Variants in CDH17 observed in about 807,000 individuals in gnomAD.
CDH17 encodes the protein cadherin 17, also known as cadherin-17.
Under a neutral mutation model 86.3 loss-of-function variants are expected in CDH17, and 67 were observed. The observed-to-expected ratio is 0.78, with a 90% confidence interval of 0.64 to 0.95. The LOEUF (loss-of-function observed/expected upper bound fraction) is 0.95. Among genes scored for constraint, CDH17 ranks in the 40% least tolerant of loss-of-function variants. CDH17 has a pLI of 0.00. For missense variants in CDH17, 993 were observed against 1,017.6 expected (o/e 0.98, Z 0.33); for synonymous variants, 367 against 366.4 (o/e 1.00, Z -0.02).
chr8:94,212,484 C>T (rs1814138305), upstream of CDH17, among the ~76,000 whole-genome samples: 1 of 141,036 alleles, frequency 7.1e-6, no homozygotes, highest in East Asian at 2.0e-4. Context: ...TGTTTGGAGG[C>T]TTCTCTGTTG....
At chr8:94,152,188 A>T in intron 12 of CDH17, 76 bp from the exon 13 acceptor site, 1 of 1,490,282 alleles carries the variant, frequency 6.7e-7, no homozygotes, top group Non-Finnish European at 9.2e-7. Flanking sequence ...ATCCTTCTTA[A>T]ACTCTCATAT....
intron 12 of CDH17, among the ~76,000 whole-genome samples, chr8:94,153,655 C>T (rs1812895736): frequency 6.6e-6 from 1 of 152,160 alleles, no homozygotes. Flanking sequence ...TGCATACATA[C>T]ACATACATAC....
intron 2 of CDH17, among the ~76,000 whole-genome samples, chr8:94,191,554 C>T (rs1234293368): frequency 2.0e-5 from 3 of 150,612 alleles, no homozygotes; most frequent in African/African-American, 4.9e-5. Flanking sequence ...CAGGTTCAAG[C>T]GATTCGCCTG....
chr8:94,203,844 AGGAG>A (rs974912826), intron 1 of CDH17, among the ~76,000 whole-genome samples: 41 of 152,288 alleles, frequency 2.7e-4, no homozygotes, highest in African/African-American at 9.1e-4. Context: ...AAGGAAGGAA[AGGAG>A]GGAGGGAGGG....
chr8:94,190,210 T>C (rs1413826595), intron 2 of CDH17, among the ~76,000 whole-genome samples: 1 of 152,196 alleles, frequency 6.6e-6, no homozygotes, highest in Non-Finnish European at 1.5e-5. Flanking sequence ...TTTGCCCAGG[T>C]AGTGGCTGGA....
At chr8:94,168,108 AT>A (rs1813193347) in intron 9 of CDH17, among the ~76,000 whole-genome samples, 2 of 10,474 alleles carry the variant, frequency 1.9e-4, no homozygotes, top group Non-Finnish European at 4.5e-4. Context: ...ATATATATAT[AT>A]ATATATATAT....
At chr8:94,213,862 T>G (rs1266898677) in intron 1 of CDH17, among the ~76,000 whole-genome samples, 5 of 152,190 alleles carry the variant, frequency 3.3e-5, no homozygotes, top group African/African-American at 1.2e-4. Context: ...ACTCTGATTT[T>G]CCTTCCACCT....
intron 1 of CDH17, among the ~76,000 whole-genome samples, chr8:94,195,663 T>G (rs1303824456): frequency 6.6e-6 from 1 of 152,208 alleles, no homozygotes; most frequent in Non-Finnish European, 1.5e-5. Context: ...GACTAATTGA[T>G]TTTAAGATGT....
intron 15 of CDH17, among the ~76,000 whole-genome samples, chr8:94,131,760 T>G (rs990574357): frequency 6.6e-6 from 1 of 152,178 alleles, no homozygotes; most frequent in Non-Finnish European, 1.5e-5. Flanking sequence ...ACATGTGTCA[T>G]GTTGATTTGC....
intron 9 of CDH17, among the ~76,000 whole-genome samples, chr8:94,169,048 A>G (rs1813219730): frequency 6.6e-6 from 1 of 152,184 alleles, no homozygotes; most frequent in Admixed American, 6.5e-5. Flanking sequence ...AGCTGCCAAG[A>G]TTTAGAGCAA....
chr8:94,170,913 T>C lies in CDH17; in HGVS notation c.856A>G (p.Ile286Val). 3 of 1,613,958 alleles carry C rather than the reference T, an allele frequency of 1.9e-6. No individual in the cohort carries two copies. The highest frequency in any genetic ancestry group is 1.7e-6 in the Non-Finnish European group (2 of 1,179,870). ...KEKLPRFPFS[I>V]DQEGDIYVTQ... is the part of the protein sequence containing the mutation. ...ACGTAAATATCTCCTTCCTGGTCAA[T>C]TGAAAATGGGAATCTTGGCAGCTTC... Residue 286 changes from isoleucine to valine, a missense_variant, in exon 8 of 18, where the codon ATT becomes GTT. Physicochemically the swap from Ile to Val is conservative, Grantham distance 29. Coordinates refer to ENST00000027335, the MANE Select transcript of CDH17 (RefSeq NM_004063.4).
At chr8:94,138,246 A>G (rs896520465) in intron 15 of CDH17, among the ~76,000 whole-genome samples, 1 of 152,200 alleles carries the variant, frequency 6.6e-6, no homozygotes, top group Non-Finnish European at 1.5e-5. Context: ...TGGCCCACCT[A>G]GATAAGATAT....
intron 15 of CDH17, among the ~76,000 whole-genome samples, chr8:94,142,688 T>G (rs1439085214): frequency 6.6e-6 from 1 of 152,222 alleles, no homozygotes; most frequent in East Asian, 1.9e-4. Flanking sequence ...AATCCTTGCT[T>G]GTTATTTCAA....
At position 94,128,165 on chromosome 8, in the gene CDH17, A is replaced by C. The variant is rs1038726928; in HGVS notation, c.*75T>G. On this transcript the variant is annotated 3_prime_UTR_variant, in exon 18 of 18. Transcript: ENST00000027335. The stretch of plus-strand genomic sequence containing the variant: ...TTTAAAAAATTATAATGCACGTTAG[A>C]TGAAAAGTAATAGGATGAGATGGTT... 3.3e-6 allele frequency: 3 copies of C among 899,444 alleles called. No homozygotes were observed. The African/African-American group carries it at 5.0e-5, about 15-fold the overall frequency. 55.7% of individuals were successfully genotyped at this position (899,444 alleles called of 1,614,324 possible).
chr8:94,157,557 A>G (rs60088661), intron 12 of CDH17, among the ~76,000 whole-genome samples: 3,441 of 152,214 alleles, frequency 0.023, 128 homozygotes, highest in African/African-American at 0.079. Context: ...AGAACTAGAA[A>G]GTTTGTTAAT....
intron 1 of CDH17, chr8:94,202,101 C>T (rs1418129305): frequency 1.3e-5 from 2 of 156,308 alleles, no homozygotes; most frequent in African/African-American, 4.8e-5. Flanking sequence ...CTCCTACTGA[C>T]TAGGCTTCCA....
Position 94,170,398 on chromosome 8 carries a change from C to T in CDH17, c.1065G>A (p.Leu355=), listed in dbSNP as rs781480094. The change falls in exon 9 of 18, where the codon CTG becomes CTA. Residue 355 remains leucine (L), a splice_region_variant and synonymous_variant. Coordinates refer to ENST00000027335, the MANE Select transcript of CDH17 (RefSeq NM_004063.4). ...TVFEVQENER[L]GNSIGTLTAH... ...CATTAGGCAGCTCTCATTTCTTACC[C>T]AGTCGTTCATTCTCCTGGACCTCAA... is the stretch of plus-strand genomic sequence containing the variant. 3 of 1,613,308 alleles carry T rather than the reference C, an allele frequency of 1.9e-6. No individual in the cohort carries two copies. The highest frequency in any genetic ancestry group is 4.5e-5 in the East Asian group (2 of 44,866).
rs765167154 is a variant in CDH17, at chr8:94,176,591, G to A, written c.374C>T (p.Thr125Met). Residue 125 changes from threonine to methionine, a missense_variant, in exon 5 of 18, where the codon ACG (threonine) becomes ATG (methionine). Physicochemically the swap from Thr to Met is moderately conservative, Grantham distance 81 (BLOSUM62 -1). Coordinates refer to ENST00000027335, the MANE Select transcript of CDH17 (RefSeq NM_004063.4). ...KVKDINDNRP[T>M]FLQSKYEGSV... Reference sequence around the variant, plus strand: ...GCCTTCGTACTTTGACTGGAGAAACGTGGGTCGATTGTCGTTGATGTCCTT... The same window carrying A: ...GCCTTCGTACTTTGACTGGAGAAACATGGGTCGATTGTCGTTGATGTCCTT... 9 of 1,613,746 alleles carry A rather than the reference G, an allele frequency of 5.6e-6. No individual in the cohort carries two copies. The highest frequency in any genetic ancestry group is 3.3e-5 in the Admixed American group (2 of 59,988).
intron 10 of CDH17, 26 bp downstream of exon 10, chr8:94,165,735 C>T (rs769573966): frequency 6.9e-7 from 1 of 1,458,536 alleles, no homozygotes; most frequent in South Asian, 1.1e-5. Flanking sequence ...ATGATTTGCA[C>T]TCAAGACGGT....
Sources: allele counts gnomAD v4.1 joint callset (sites outside exome capture counted in the v4.1 genomes callset), GRCh38; gene constraint gnomAD v4.1.1; transcripts MANE v1.5; gene names NCBI Gene and HGNC (gene_info 2026-07-23, HGNC 2026-07-21).